The following ANK3 variants were observed in gnomAD, a reference collection of about 807,000 sequenced individuals.
The protein encoded by ANK3 is ankyrin 3.
In ANK3, 57 loss-of-function variants were observed where a neutral mutation model predicts 370.9. That is an observed-to-expected ratio of 0.15 (90% CI 0.12 to 0.19). ANK3 has a LOEUF of 0.19. Ranked by LOEUF, ANK3 falls within the 10% of genes least tolerant of loss-of-function variation. The pLI is 1.00. For synonymous variants in ANK3, 1,929 were observed against 1,946.3 expected, an observed-to-expected ratio of 0.99 and a Z score of 0.23; for missense variants, 4,439 against 5,302.1, an observed-to-expected ratio of 0.84 and a Z score of 5.06.
chr10:60,140,139 G>C lies in ANK3; in HGVS notation c.2615-1052C>G, dbSNP rs1016701475. 3.8e-5 allele frequency: 22 copies of C among 572,610 alleles called. No homozygotes were observed. The Admixed American group carries it at 4.9e-4, about 13-fold the overall frequency. 35.5% of individuals were successfully genotyped at this position (572,610 alleles called of 1,614,324 possible). The stretch of plus-strand genomic sequence containing the variant: ...TCCATTCATTTAAACTCAGGAAACC[G>C]CAAGAGCTCAGCTTTTAAACTACCA... On this transcript the variant is annotated intron_variant, in intron 23 of 43. Transcript: ENST00000280772.
At chr10:60,349,008 A>G (rs896311140) in intron 1 of ANK3, among the ~76,000 whole-genome samples, 1 of 152,186 alleles carries the variant, frequency 6.6e-6, no homozygotes, top group Non-Finnish European at 1.5e-5. Flanking sequence ...CAGCCTCCCC[A>G]GCATGAACTG....
At chr10:60,650,903 G>A (rs1268934948) in intron 1 of ANK3, among the ~76,000 whole-genome samples, 1 of 149,922 alleles carries the variant, frequency 6.7e-6, no homozygotes, top group East Asian at 2.0e-4. Flanking sequence ...AGGCAACACA[G>A]TGAGTCCTCC....
intron 43 of ANK3, among the ~76,000 whole-genome samples, chr10:60,040,296 T>C (rs1219309636): frequency 6.6e-6 from 1 of 152,130 alleles, no homozygotes; most frequent in Admixed American, 6.5e-5. Context: ...TTTTCTTTTT[T>C]TTTTTTTAAA....
intron 2 of ANK3, among the ~76,000 whole-genome samples, chr10:60,506,605 C>T (rs1447398656): frequency 6.6e-6 from 1 of 152,076 alleles, no homozygotes; most frequent in East Asian, 1.9e-4. Flanking sequence ...TGCTTCTAAT[C>T]AGAATTAAAT....
chr10:60,356,520 T>C (rs2057771307), intron 1 of ANK3, among the ~76,000 whole-genome samples: 1 of 152,180 alleles, frequency 6.6e-6, no homozygotes, highest in South Asian at 2.1e-4. Context: ...AAAAAATCCC[T>C]GTCTATCCAA....
chr10:60,200,297 A>T (rs1389670805), intron 12 of ANK3, 70 bp from the exon 13 acceptor site: 10 of 1,235,498 alleles, frequency 8.1e-6, no homozygotes, highest in African/African-American at 3.0e-5. Flanking sequence ...TTTGGCATAA[A>T]GCTTATGATG....
At chr10:60,144,257 G>C (rs2094704930) in intron 23 of ANK3, 1 of 424,218 alleles carries the variant, frequency 2.4e-6, no homozygotes, top group Non-Finnish European at 4.6e-6. Context: ...AGGTCCAAAG[G>C]TAAACCAAAG....
intron 1 of ANK3, among the ~76,000 whole-genome samples, chr10:60,633,198 A>G (rs959341456): frequency 2.0e-5 from 3 of 152,230 alleles, no homozygotes; most frequent in Non-Finnish European, 4.4e-5. Context: ...AAAACAATGC[A>G]GTCATCACAA....
intron 1 of ANK3, among the ~76,000 whole-genome samples, chr10:60,634,667 C>T (rs1237611076): frequency 2.0e-5 from 3 of 152,110 alleles, no homozygotes; most frequent in East Asian, 3.8e-4. Context: ...AAGCTTTGTT[C>T]TTTTGCTTTT....
chr10:60,114,739 T>A (rs751359822), intron 25 of ANK3, among the ~76,000 whole-genome samples: 3 of 151,858 alleles, frequency 2.0e-5, no homozygotes, highest in Non-Finnish European at 4.4e-5. Flanking sequence ...TGGGGCGGAG[T>A]AGCTAGTAGC....
intron 1 of ANK3, among the ~76,000 whole-genome samples, chr10:60,350,492 C>T (rs1214926788): frequency 1.3e-5 from 2 of 152,202 alleles, no homozygotes; most frequent in Admixed American, 1.3e-4. Flanking sequence ...TTTACAGAAG[C>T]TATTCCAAGT....
intron 2 of ANK3, among the ~76,000 whole-genome samples, chr10:60,461,563 T>C (rs564147858): frequency 1.6e-4 from 24 of 152,276 alleles, no homozygotes; most frequent in Admixed American, 1.3e-3. Flanking sequence ...ACATAAGACA[T>C]ACTTTGTCTG....
chr10:60,314,816 C>G (rs2047067686), intron 1 of ANK3, among the ~76,000 whole-genome samples: 1 of 152,152 alleles, frequency 6.6e-6, no homozygotes, highest in Non-Finnish European at 1.5e-5. Flanking sequence ...TAAAATGCCA[C>G]TCTCCAGTTA....
At chr10:60,527,594 C>T (rs1015782853) in intron 2 of ANK3, among the ~76,000 whole-genome samples, 1 of 152,102 alleles carries the variant, frequency 6.6e-6, no homozygotes, top group South Asian at 2.1e-4. Flanking sequence ...AATTCAAAGT[C>T]CTCCTCAATT....
At position 60,277,711 on chromosome 10, in the gene ANK3, G is replaced by A. The variant is rs1024466644; in HGVS notation, c.414+1063C>T. On this transcript the variant is annotated intron_variant, in intron 4 of 43. Transcript: ENST00000280772. ...TGCCATGTACCCACAGCTCAGCTGT[G>A]CACCCAGAAGTTCTCCAATATCACT... is the stretch of plus-strand genomic sequence containing the variant. Among the ~76,000 whole-genome samples the A allele has an allele frequency of 2.0e-5, 3 of 152,162 alleles. No individual in the cohort carries two copies. In the South Asian group the frequency reaches 6.2e-4, roughly 32 times the overall value.
intron 1 of ANK3, among the ~76,000 whole-genome samples, chr10:60,630,256 A>G (rs10821806): frequency 0.15 from 22,719 of 152,204 alleles, 2,140 homozygotes; most frequent in South Asian, 0.27. Context: ...TAATACAGCT[A>G]AAGAAAAAAA....
chr10:60,368,961 A>G (rs2059758239), intron 1 of ANK3, among the ~76,000 whole-genome samples: 1 of 152,218 alleles, frequency 6.6e-6, no homozygotes, highest in South Asian at 2.1e-4. Flanking sequence ...AAGGGAATAA[A>G]GGAACTTTCA....
chr10:60,438,803 C>A (rs1029602430), intron 2 of ANK3, among the ~76,000 whole-genome samples: 21 of 152,306 alleles, frequency 1.4e-4, no homozygotes, highest in African/African-American at 5.1e-4. Context: ...CCCCTGATAA[C>A]ATTTTGATTC....
Position 60,029,817 on chromosome 10 carries a change from A to T in ANK3, c.*29T>A, listed in dbSNP as rs2072853322. On this transcript the variant is annotated 3_prime_UTR_variant, in exon 44 of 44. Coordinates refer to ENST00000280772, the MANE Select transcript of ANK3 (RefSeq NM_020987.5). Reference sequence around the variant, plus strand: ...GAATTTCTCAATACTGGCAGTAAAAACTTATGATCCTGTGGAAAGAGACAG... The same window carrying T: ...GAATTTCTCAATACTGGCAGTAAAATCTTATGATCCTGTGGAAAGAGACAG... 1 of 148,212 alleles carries T rather than the reference A, an allele frequency of 6.7e-6. No homozygotes were observed. Among genetic ancestry groups the T allele is most frequent in the Non-Finnish European group, 1.5e-5 (1 of 67,336 alleles). The allele number at this position is 148,212 out of a possible 1,614,324, so 9.2% of individuals were successfully genotyped here. A position where few individuals can be genotyped will look rare whatever the true frequency, so the allele number is the denominator to read the frequency against.
Sources: gnomAD v4.1 joint callset for allele counts (sites outside exome capture counted in the v4.1 genomes callset) on GRCh38, gnomAD v4.1.1 for gene constraint, MANE v1.5 for transcripts, NCBI Gene and HGNC (gene_info 2026-07-23, HGNC 2026-07-21) for gene names.